Variants in HSDL1 observed in about 807,000 individuals in gnomAD.
HSDL1 encodes the protein inactive hydroxysteroid dehydrogenase-like protein 1.
Under a neutral mutation model 31.5 loss-of-function variants are expected in HSDL1, and 29 were observed. The ratio of observed to expected loss-of-function variants is 0.92; its 90% CI spans 0.69 to 1.26. The LOEUF (loss-of-function observed/expected upper bound fraction) is 1.26, where lower values mean the gene tolerates loss of function less well. HSDL1 is among the 50% of genes most tolerant of loss of function. The pLI is 0.00. For synonymous variants in HSDL1, 222 were observed against 155.2 expected (o/e 1.43, Z -3.20); for missense variants, 503 against 416.6 (o/e 1.21, Z -1.81).
Position 84,130,122 on chromosome 16 carries a change from T to G in HSDL1, c.530A>C (p.Asn177Thr), listed in dbSNP as rs1162951427. 6.2e-7 allele frequency: 1 copy of G among 1,614,194 alleles called. No individual in the cohort carries two copies. Among genetic ancestry groups the G allele is most frequent in the East Asian group, 2.2e-5 (1 of 44,886 alleles). ...EDKLWDIINV[N>T]IAAASLMVHV... ...GACCATCAAACTAGCGGCGGCAATG[T>G]TCACATTTATGATGTCCCAGAGCTT... The change falls in exon 4 of 6, where the codon AAC (asparagine) becomes ACC (threonine). Residue 177 changes from asparagine to threonine, a missense_variant. Transcript: ENST00000219439.
At position 84,124,607 on chromosome 16, in the gene HSDL1, A is replaced by T. The variant is rs199736316; in HGVS notation, c.*23T>A. The T allele has an allele frequency of 2.7e-3, 4,186 of 1,532,376 alleles. 125 individuals carry two copies. In the South Asian group the frequency reaches 0.044, roughly 16 times the overall value. 94.9% of individuals were successfully genotyped at this position (1,532,376 alleles called of 1,614,324 possible). A position where few individuals can be genotyped will look rare whatever the true frequency, so the allele number is the denominator to read the frequency against. On this transcript the variant is annotated 3_prime_UTR_variant, in exon 6 of 6. Coordinates refer to ENST00000219439, the MANE Select transcript of HSDL1 (RefSeq NM_031463.5). The stretch of plus-strand genomic sequence containing the variant: ...ATCGAGGTTCCCAGGAGTTGGCAAA[A>T]CTTCTCAAGTGGCCATCCAGACTCA...
In HSDL1 at chr16:84,130,061, T is replaced by C. The variant is rs145118526; in HGVS notation, c.591A>G (p.Lys197=). ...CAGAAGAGATCGTGACGATGGCACCTTTCTTTCTCTCCACCATTCCCGGTA... is the reference window on the plus strand; with the variant it reads ...CAGAAGAGATCGTGACGATGGCACCCTTCTTTCTCTCCACCATTCCCGGTA... ...VVLPGMVERK[K]GAIVTISSGS... The change falls in exon 4 of 6, where the codon AAA becomes AAG. Residue 197 remains lysine (K), a synonymous_variant. Transcript: ENST00000219439. 52 of 1,614,172 alleles carry C rather than the reference T, an allele frequency of 3.2e-5. No homozygotes were observed. The African/African-American group carries it at 4.9e-4, about 15-fold the overall frequency.
intron 1 of HSDL1, among the ~76,000 whole-genome samples, chr16:84,142,660 GGTCTTGAAC>G (rs1265615614): frequency 6.6e-6 from 1 of 151,720 alleles, no homozygotes; most frequent in Non-Finnish European, 1.5e-5. Flanking sequence ...TGGCCAGGCT[GGTCTTGAAC>G]TCCTGACCTT....
At chr16:84,141,037 G>A (rs1398208033) in intron 1 of HSDL1, among the ~76,000 whole-genome samples, 2 of 149,878 alleles carry the variant, frequency 1.3e-5, no homozygotes, top group African/African-American at 2.5e-5. Flanking sequence ...CTTGCAGTGA[G>A]CGGAGATCGC....
Position 84,142,430 on chromosome 16 carries a change from C to CTTTTT in HSDL1, c.-69+2645_-69+2649dup, listed in dbSNP as rs34954052. ...GGTGTGAGGCTGGGATCTCACACAT[C>CTTTTT]TTTTTTTTTTTTTTTTTTTTTTTGA... is the stretch of plus-strand genomic sequence containing the variant. On this transcript the variant is annotated intron_variant, in intron 1 of 5. Coordinates refer to ENST00000219439, the MANE Select transcript of HSDL1 (RefSeq NM_031463.5). 1.4e-3 allele frequency among the ~76,000 whole-genome samples: 115 copies of CTTTTT among 81,416 alleles called. 7 individuals are homozygous for CTTTTT. The highest frequency in any genetic ancestry group is 0.034 in the Middle Eastern group (2 of 58). The allele number at this position is 81,416 out of a possible 152,430, so 53.4% of individuals were successfully genotyped here. A position where few individuals can be genotyped will look rare whatever the true frequency, so the allele number is the denominator to read the frequency against.
At chr16:84,126,058 G>A (rs1184661127) in intron 5 of HSDL1, among the ~76,000 whole-genome samples, 1 of 150,352 alleles carries the variant, frequency 6.7e-6, no homozygotes, top group African/African-American at 2.5e-5. Context: ...AGCCGAGATC[G>A]CGGCACTGCA....
chr16:84,134,036 C>T (rs1264841742), intron 2 of HSDL1, among the ~76,000 whole-genome samples: 1 of 152,098 alleles, frequency 6.6e-6, no homozygotes, highest in African/African-American at 2.4e-5. Flanking sequence ...AGCAATCTTC[C>T]GTACAGCAGT....
At chr16:84,125,447 T>A (rs995685364) in intron 5 of HSDL1, among the ~76,000 whole-genome samples, 33 of 145,550 alleles carry the variant, frequency 2.3e-4, no homozygotes, top group African/African-American at 8.4e-4. Context: ...TACCCACCAA[T>A]CACAATACCC....
intron 3 of HSDL1, 51 bp downstream of exon 3, chr16:84,131,051 T>TA (rs1567520439): frequency 7.1e-7 from 1 of 1,412,138 alleles, no homozygotes; most frequent in East Asian, 2.3e-5. Flanking sequence ...GCTCCTTGAA[T>TA]AATGCATCCG....
intron 5 of HSDL1, 189 bp from the exon 6 acceptor site, chr16:84,124,917 AT>A: frequency 2.2e-6 from 1 of 456,466 alleles, no homozygotes; most frequent in Non-Finnish European, 4.0e-6. Flanking sequence ...ATCACAACAA[AT>A]ACCCACCAAT....
intron 1 of HSDL1, among the ~76,000 whole-genome samples, chr16:84,138,611 C>T (rs991804278): frequency 2.6e-5 from 4 of 152,158 alleles, no homozygotes; most frequent in South Asian, 2.1e-4. Context: ...AATTATACTT[C>T]GATGAAGTTG....
intron 2 of HSDL1, among the ~76,000 whole-genome samples, chr16:84,133,891 T>C (rs762845802): frequency 2.6e-5 from 4 of 152,162 alleles, no homozygotes; most frequent in Non-Finnish European, 5.9e-5. Context: ...TTTGACTAAG[T>C]ACATAAACCA....
chr16:84,137,332 T>C (rs1042755336), intron 1 of HSDL1, among the ~76,000 whole-genome samples: 5 of 152,238 alleles, frequency 3.3e-5, no homozygotes, highest in Non-Finnish European at 7.3e-5. Context: ...GTCCCCCGCA[T>C]GCACAGCACA....
At chr16:84,140,572 T>G (rs1173315091) in intron 1 of HSDL1, among the ~76,000 whole-genome samples, 1 of 151,958 alleles carries the variant, frequency 6.6e-6, no homozygotes, top group Admixed American at 6.6e-5. Flanking sequence ...GCAAAAATGT[T>G]TAAATATATA....
At chr16:84,134,262 G>C (rs2086692638) in intron 2 of HSDL1, among the ~76,000 whole-genome samples, 1 of 152,106 alleles carries the variant, frequency 6.6e-6, no homozygotes, top group Non-Finnish European at 1.5e-5. Flanking sequence ...TGTAGCCCTT[G>C]AACAGTCATA....
At chr16:84,142,726 C>G (rs932673628) in intron 1 of HSDL1, among the ~76,000 whole-genome samples, 1 of 151,954 alleles carries the variant, frequency 6.6e-6, no homozygotes, top group African/African-American at 2.4e-5. Flanking sequence ...TGTGACCGGC[C>G]GGATCTCACA....
intron 3 of HSDL1, 66 bp downstream of exon 3, chr16:84,131,036 C>G: frequency 2.3e-6 from 3 of 1,284,200 alleles, no homozygotes; most frequent in Non-Finnish European, 2.2e-6. Flanking sequence ...ACATTAAATT[C>G]AATAGCTCCT....
chr16:84,128,677 T>TA (rs1224120889), intron 5 of HSDL1, among the ~76,000 whole-genome samples: 12 of 152,192 alleles, frequency 7.9e-5, no homozygotes, highest in African/African-American at 2.7e-4. Flanking sequence ...TTAGTATTTT[T>TA]ATAGTCCTAA....
chr16:84,127,711 C>T (rs1339858439), intron 5 of HSDL1, among the ~76,000 whole-genome samples: 5 of 147,796 alleles, frequency 3.4e-5, no homozygotes, highest in Admixed American at 3.4e-4. Flanking sequence ...GTGACTCACA[C>T]TGGTATTTTT....
Sources: gnomAD v4.1 joint callset for allele counts (sites outside exome capture counted in the v4.1 genomes callset) on GRCh38, gnomAD v4.1.1 for gene constraint, MANE v1.5 for transcripts, NCBI Gene and HGNC (gene_info 2026-07-23, HGNC 2026-07-21) for gene names.